SLC39A11: variants seen among roughly 807,000 people sequenced by gnomAD.
SLC39A11 encodes zinc transporter ZIP11.
Under a neutral mutation model 36.1 loss-of-function variants are expected in SLC39A11, and 33 were observed. The ratio of observed to expected loss-of-function variants is 0.91; its 90% CI spans 0.69 to 1.22. The LOEUF is 1.22. Ranked by LOEUF, SLC39A11 falls within the 50% of genes most tolerant of loss-of-function variation. The probability of loss-of-function intolerance (pLI) is 0.00; values close to 1 mark genes in which losing one functional copy is unlikely to be tolerated. For synonymous variants in SLC39A11, 166 were observed against 170.3 expected, an observed-to-expected ratio of 0.97 and a Z score of 0.20; for missense variants, 432 against 430.3, an observed-to-expected ratio of 1.00 and a Z score of -0.03.
At chr17:73,067,212 C>T (rs2060021798) in intron 3 of SLC39A11, among the ~76,000 whole-genome samples, 1 of 152,232 alleles carries the variant, frequency 6.6e-6, no homozygotes, top group South Asian at 2.1e-4. Context: ...CAAGCTGCTG[C>T]ATAGCTAAAA....
At chr17:73,004,083 AAAGAAAGAAAGG>A (rs1229857419) in intron 4 of SLC39A11, among the ~76,000 whole-genome samples, 17 of 150,780 alleles carry the variant, frequency 1.1e-4, no homozygotes, top group African/African-American at 4.2e-4. Context: ...AAGACTGTGT[AAAGAAAGAAAGG>A]AAGAAAGAAA....
intron 6 of SLC39A11, among the ~76,000 whole-genome samples, chr17:72,768,473 A>G (rs1016001615): frequency 1.3e-5 from 2 of 152,224 alleles, no homozygotes; most frequent in Non-Finnish European, 2.9e-5. Flanking sequence ...GGCACCAGGC[A>G]GACTGGAAGA....
chr17:73,013,326 G>A (rs1195738027), intron 4 of SLC39A11, among the ~76,000 whole-genome samples: 4 of 152,228 alleles, frequency 2.6e-5, no homozygotes, highest in Admixed American at 6.5e-5. Flanking sequence ...GACCTCCGGC[G>A]ATCCACCCAC....
chr17:72,912,654 G>A (rs2083084711), intron 5 of SLC39A11, among the ~76,000 whole-genome samples: 1 of 152,070 alleles, frequency 6.6e-6, no homozygotes, highest in African/African-American at 2.4e-5. Context: ...GCTGACGGAG[G>A]AGAACCTGAG....
intron 4 of SLC39A11, among the ~76,000 whole-genome samples, chr17:72,996,253 C>T (rs2089497443): frequency 6.6e-5 from 10 of 152,226 alleles, no homozygotes; most frequent in Admixed American, 6.5e-4. Context: ...CAGCTGCACC[C>T]TCCGTGGCCG....
intron 3 of SLC39A11, among the ~76,000 whole-genome samples, chr17:73,052,124 CGA>C (rs2059525215): frequency 6.6e-6 from 1 of 151,580 alleles, no homozygotes; most frequent in South Asian, 2.1e-4. Context: ...CGTTTTTTAC[CGA>C]GTGTTAAGTG....
intron 4 of SLC39A11, among the ~76,000 whole-genome samples, chr17:73,026,474 G>A (rs1410036419): frequency 3.5e-5 from 5 of 142,952 alleles, no homozygotes; most frequent in East Asian, 2.1e-4. Context: ...AGCCAGGATC[G>A]CACCATTGTA....
intron 5 of SLC39A11, among the ~76,000 whole-genome samples, chr17:72,874,121 T>C (rs1031194642): frequency 3.9e-5 from 6 of 152,188 alleles, no homozygotes; most frequent in African/African-American, 1.4e-4. Flanking sequence ...AACCGACTAA[T>C]ATACTCCCTT....
chr17:72,793,439 G>C (rs2076783689), intron 6 of SLC39A11, among the ~76,000 whole-genome samples: 1 of 152,104 alleles, frequency 6.6e-6, no homozygotes, highest in African/African-American at 2.4e-5. Context: ...GTACCCTAAG[G>C]TGTTTATGTT....
chr17:72,956,747 C>A (rs1490783863), intron 4 of SLC39A11, among the ~76,000 whole-genome samples: 1 of 152,138 alleles, frequency 6.6e-6, no homozygotes, highest in African/African-American at 2.4e-5. Context: ...TAAAGTTTTT[C>A]TGACCTATGT....
intron 7 of SLC39A11, among the ~76,000 whole-genome samples, chr17:72,710,210 T>C (rs1026484491): frequency 7.9e-5 from 12 of 152,258 alleles, no homozygotes; most frequent in African/African-American, 2.9e-4. Flanking sequence ...CTTTCTACTC[T>C]GGCACCATGA....
chr17:73,011,410 G>A (rs970066677), intron 4 of SLC39A11, among the ~76,000 whole-genome samples: 8 of 152,136 alleles, frequency 5.3e-5, no homozygotes, highest in Non-Finnish European at 8.8e-5. Flanking sequence ...GGAAGGTAGA[G>A]GAGCCCTTGA....
At chr17:73,042,657 C>T (rs1052008638) in intron 3 of SLC39A11, among the ~76,000 whole-genome samples, 1 of 152,044 alleles carries the variant, frequency 6.6e-6, no homozygotes, top group Non-Finnish European at 1.5e-5. Context: ...AAAAATCAGC[C>T]GAGCATGTTG....
At chr17:73,018,406 C>A (rs1017553074) in intron 4 of SLC39A11, among the ~76,000 whole-genome samples, 1 of 151,936 alleles carries the variant, frequency 6.6e-6, no homozygotes, top group African/African-American at 2.4e-5. Context: ...AAATTATCCA[C>A]ACGTGATGGC....
chr17:72,723,894 T>C (rs1466616620), intron 7 of SLC39A11, among the ~76,000 whole-genome samples: 3 of 152,168 alleles, frequency 2.0e-5, no homozygotes, highest in African/African-American at 4.8e-5. Flanking sequence ...CCTCCACGTG[T>C]TCTGGAAAAT....
At chr17:72,898,883 G>A (rs141644129) in intron 5 of SLC39A11, among the ~76,000 whole-genome samples, 32 of 152,272 alleles carry the variant, frequency 2.1e-4, no homozygotes, top group African/African-American at 7.0e-4. Flanking sequence ...TCAGGGAGGC[G>A]ACTGCCAAGA....
At chr17:73,052,728 G>T (rs1599042054) in intron 3 of SLC39A11, among the ~76,000 whole-genome samples, 1 of 152,130 alleles carries the variant, frequency 6.6e-6, no homozygotes, top group African/African-American at 2.4e-5. Flanking sequence ...AGAATTAGTG[G>T]TTTTATTCCT....
At position 72,891,604 on chromosome 17, in the gene SLC39A11, A is replaced by T. The variant is rs564123516; in HGVS notation, c.431-41800T>A. ...GCTCAATGCCTTTTTTGAACATCCT[A>T]TCAAAAATACTCCCTGGTCACTCTC... is the stretch of plus-strand genomic sequence containing the variant. On this transcript the variant is annotated intron_variant, in intron 5 of 9. Transcript: ENST00000255559. 1.3e-4 allele frequency among the ~76,000 whole-genome samples: 19 copies of T among 151,778 alleles called. 1 individual carries two copies. The highest frequency in any genetic ancestry group is 1.0e-3 in the Admixed American group (16 of 15,244).
Position 72,666,320 on chromosome 17 carries a change from A to G in SLC39A11, c.672-17052T>C, listed in dbSNP as rs867584760. On this transcript the variant is annotated intron_variant, in intron 7 of 9. Coordinates refer to ENST00000255559, the MANE Select transcript of SLC39A11 (RefSeq NM_139177.4). ...AAACCATCGCATTGTGCACATCTGG[A>G]CAGCATAAACCGACCACTCCAAGAG... 9.2e-5 allele frequency among the ~76,000 whole-genome samples: 14 copies of G among 152,342 alleles called. No homozygotes were observed. The South Asian group carries it at 1.4e-3, about 16-fold the overall frequency.
Sources: gnomAD v4.1 joint callset for allele counts (sites outside exome capture counted in the v4.1 genomes callset) on GRCh38, gnomAD v4.1.1 for gene constraint, MANE v1.5 for transcripts, NCBI Gene and HGNC (gene_info 2026-07-23, HGNC 2026-07-21) for gene names.